The following PLA2G5 variants were observed in gnomAD, a reference collection of about 807,000 sequenced individuals.
PLA2G5 encodes the protein Ca2+-dependent phospholipase A2.
Under a neutral mutation model 15.9 loss-of-function variants are expected in PLA2G5, and 12 were observed. That is an observed-to-expected ratio of 0.76 (90% CI 0.48 to 1.23). PLA2G5 has a LOEUF of 1.23. Among genes scored for constraint, PLA2G5 ranks in the 50% most tolerant of loss-of-function variants. The pLI is 0.00. For synonymous variants in PLA2G5, 71 were observed against 71.4 expected (o/e 0.99, Z 0.03); for missense variants, 169 against 177.1 (o/e 0.95, Z 0.26).
intron 1 of PLA2G5, among the ~76,000 whole-genome samples, chr1:20,059,454 T>C (rs1182198267): frequency 6.6e-6 from 1 of 151,636 alleles, no homozygotes; most frequent in African/African-American, 2.4e-5. Context: ...AAAGACCATA[T>C]GGCCATTTTA....
At chr1:20,060,744 T>G (rs2014683430) in intron 2 of PLA2G5, among the ~76,000 whole-genome samples, 2 of 151,742 alleles carry the variant, frequency 1.3e-5, no homozygotes, top group South Asian at 4.2e-4. Context: ...TTTTCTTTTT[T>G]TTTTTTTGAG....
At chr1:20,030,687 C>T (rs1458224165) in intron 1 of PLA2G5, among the ~76,000 whole-genome samples, 1 of 152,134 alleles carries the variant, frequency 6.6e-6, no homozygotes, top group African/African-American at 2.4e-5. Flanking sequence ...TTGGACAATA[C>T]CCAGGCTTTC....
At chr1:20,057,580 C>T (rs998962957) in intron 1 of PLA2G5, among the ~76,000 whole-genome samples, 2 of 152,158 alleles carry the variant, frequency 1.3e-5, no homozygotes, top group Admixed American at 6.5e-5. Flanking sequence ...CTCACTGCAA[C>T]GTCCACCTCC....
chr1:20,030,578 TC>T (rs1179727424), intron 1 of PLA2G5, among the ~76,000 whole-genome samples: 1 of 151,980 alleles, frequency 6.6e-6, no homozygotes. Flanking sequence ...TCACTAATCC[TC>T]CTCAGCACAG....
chr1:20,071,651 G>C (rs764899939), intron 1 of PLA2G5, among the ~76,000 whole-genome samples: 1 of 152,130 alleles, frequency 6.6e-6, no homozygotes, highest in Non-Finnish European at 1.5e-5. Flanking sequence ...CCCAGCTTCC[G>C]TGTTTCCCAG....
At chr1:20,056,036 G>T (rs1477157893) in intron 1 of PLA2G5, among the ~76,000 whole-genome samples, 1 of 152,138 alleles carries the variant, frequency 6.6e-6, no homozygotes, top group African/African-American at 2.4e-5. Flanking sequence ...CCTGGTATCT[G>T]TCCCTAAATT....
intron 1 of PLA2G5, among the ~76,000 whole-genome samples, chr1:20,071,283 A>G (rs1194790047): frequency 2.6e-5 from 4 of 152,218 alleles, no homozygotes; most frequent in East Asian, 3.9e-4. Flanking sequence ...TTTATTAGCC[A>G]TTCAACAAAC....
At chr1:20,080,411 G>A (rs576538573) in intron 1 of PLA2G5, among the ~76,000 whole-genome samples, 4 of 152,138 alleles carry the variant, frequency 2.6e-5, no homozygotes, top group South Asian at 2.1e-4. Flanking sequence ...GTAAAACCCC[G>A]TCTCTACTAA....
At chr1:20,072,497 GAC>G (rs959067661) in intron 1 of PLA2G5, among the ~76,000 whole-genome samples, 48 of 152,298 alleles carry the variant, frequency 3.2e-4, no homozygotes, top group African/African-American at 1.1e-3. Context: ...GGGAGAGAGA[GAC>G]AGAGAAAGAG....
upstream of PLA2G5, among the ~76,000 whole-genome samples, chr1:20,067,865 T>A (rs575855526): frequency 4.6e-5 from 7 of 152,120 alleles, no homozygotes; most frequent in Non-Finnish European, 1.0e-4. Flanking sequence ...ATGCCTGTAA[T>A]CCCAACACTT....
At chr1:20,076,234 G>GT (rs1231592585) in intron 1 of PLA2G5, among the ~76,000 whole-genome samples, 2 of 151,616 alleles carry the variant, frequency 1.3e-5, no homozygotes, top group East Asian at 1.9e-4. Flanking sequence ...ATTCCATTTT[G>GT]TTTTTTTTAA....
chr1:20,062,619 C>T (rs1286666257), intron 2 of PLA2G5, among the ~76,000 whole-genome samples: 2 of 152,098 alleles, frequency 1.3e-5, no homozygotes, highest in Non-Finnish European at 2.9e-5. Context: ...CATAGGGAAA[C>T]CTCGTTAAGT....
Position 20,036,282 on chromosome 1 carries a change from G to T in PLA2G5, n.276+7573G>T, listed in dbSNP as rs548061754. On this transcript the variant is annotated intron_variant and non_coding_transcript_variant, in intron 1 of 6. Transcript: ENST00000460175. The stretch of plus-strand genomic sequence containing the variant: ...TGAGCTTTTTGTATGTGGAAGTCTA[G>T]ATCTCTAGCAAGGCCAGAAAAATTT... 2.6e-5 allele frequency among the ~76,000 whole-genome samples: 4 copies of T among 152,244 alleles called. No individual in the cohort carries two copies. The East Asian group carries it at 5.8e-4, about 22-fold the overall frequency.
intron 1 of PLA2G5, among the ~76,000 whole-genome samples, chr1:20,078,969 G>T (rs1028499481): frequency 6.6e-6 from 1 of 152,016 alleles, no homozygotes; most frequent in Non-Finnish European, 1.5e-5. Flanking sequence ...AAATTAGCCA[G>T]GCATGGTGGT....
intron 1 of PLA2G5, chr1:20,045,969 TGA>T (rs1424453648): frequency 6.6e-6 from 1 of 152,204 alleles, no homozygotes; most frequent in Non-Finnish European, 1.5e-5. Context: ...CCTTTTTTTT[TGA>T]GTTTTACTTG....
chr1:20,032,426 A>C (rs1031311862), intron 1 of PLA2G5, among the ~76,000 whole-genome samples: 3 of 151,572 alleles, frequency 2.0e-5, no homozygotes, highest in Non-Finnish European at 4.4e-5. Context: ...GTCAGAAGGT[A>C]CTGGATTTGT....
intron 4 of PLA2G5, among the ~76,000 whole-genome samples, chr1:20,090,334 G>C (rs1441484482): frequency 2.6e-5 from 4 of 152,152 alleles, no homozygotes; most frequent in African/African-American, 9.7e-5. Flanking sequence ...AGGAAGGAAG[G>C]TGCTTCCTCT....
intron 1 of PLA2G5, among the ~76,000 whole-genome samples, chr1:20,030,328 A>G (rs2012850585): frequency 6.6e-6 from 1 of 151,800 alleles, no homozygotes; most frequent in Admixed American, 6.6e-5. Context: ...AGGTTAAGGA[A>G]AGGAGCTGTG....
intron 3 of PLA2G5, among the ~76,000 whole-genome samples, chr1:20,088,131 G>A (rs1171650371): frequency 6.6e-6 from 1 of 152,254 alleles, no homozygotes; most frequent in Non-Finnish European, 1.5e-5. Flanking sequence ...GCCAAGACAG[G>A]TGGATGACCT....
Sources: gnomAD v4.1 joint callset for allele counts (sites outside exome capture counted in the v4.1 genomes callset) on GRCh38, gnomAD v4.1.1 for gene constraint, MANE v1.5 for transcripts, NCBI Gene and HGNC (gene_info 2026-07-23, HGNC 2026-07-21) for gene names.